Variants in TP53BP2 observed in about 807,000 individuals in gnomAD.
TP53BP2 encodes tumor protein p53 binding protein 2.
In TP53BP2, 62 loss-of-function variants were observed where a neutral mutation model predicts 126.2. The observed-to-expected ratio is 0.49, with a 90% confidence interval of 0.40 to 0.61. The LOEUF (loss-of-function observed/expected upper bound fraction) is 0.61. TP53BP2 is among the 20% of genes least tolerant of loss of function. TP53BP2 has a pLI of 0.00. For missense variants in TP53BP2, 1,215 were observed against 1,402.8 expected (o/e 0.87, Z 2.14); for synonymous variants, 485 against 502.9 (o/e 0.96, Z 0.48).
chr1:223,790,526 C>T (rs185736484), intron 15 of TP53BP2, among the ~76,000 whole-genome samples: 30 of 151,588 alleles, frequency 2.0e-4, no homozygotes, highest in Middle Eastern at 3.4e-3. Context: ...CACTGCACTC[C>T]GGCCTGGGTG....
At chr1:223,822,618 G>A (rs938222838) in intron 1 of TP53BP2, among the ~76,000 whole-genome samples, 2 of 151,422 alleles carry the variant, frequency 1.3e-5, no homozygotes, top group Non-Finnish European at 2.9e-5. Context: ...GTAGTGAGAA[G>A]TGACTGCACC....
intron 1 of TP53BP2, among the ~76,000 whole-genome samples, chr1:223,832,505 G>A (rs372269007): frequency 6.6e-6 from 1 of 152,184 alleles, no homozygotes; most frequent in African/African-American, 2.4e-5. Context: ...AATATTTCTT[G>A]TAAGAGGAGA....
At chr1:223,840,249 A>C (rs1571880440) in intron 1 of TP53BP2, among the ~76,000 whole-genome samples, 1 of 152,192 alleles carries the variant, frequency 6.6e-6, no homozygotes, top group South Asian at 2.1e-4. Context: ...GGCTTGCCCC[A>C]ATAAGACATA....
chr1:223,807,078 T>C (rs1662748872), intron 4 of TP53BP2, 131 bp from the exon 5 acceptor site: 4 of 595,990 alleles, frequency 6.7e-6, no homozygotes, highest in African/African-American at 1.9e-5. Context: ...GATTTTTCTT[T>C]CATAATATCA....
At chr1:223,790,847 C>G (rs1296550597) in intron 15 of TP53BP2, among the ~76,000 whole-genome samples, 1 of 152,090 alleles carries the variant, frequency 6.6e-6, no homozygotes, top group Non-Finnish European at 1.5e-5. Flanking sequence ...CTCAAGTGAT[C>G]TTCTGCTTCA....
rs1662398867 is a variant in TP53BP2 at position 223,798,211 on chromosome 1, T to C, written c.1948+4A>G. The stretch of plus-strand genomic sequence containing the variant: ...ACGTCACCTATGAACGTTAAGAACC[T>C]TACCACTTGAAAAGTGTGGCCCTCT... On this transcript the variant is annotated splice_donor_region_variant and intron_variant, in intron 12 of 17. Transcript: ENST00000343537. 1 of 1,610,572 alleles carries C rather than the reference T, an allele frequency of 6.2e-7. No individual in the cohort carries two copies. The highest frequency in any genetic ancestry group is 8.5e-7 in the Non-Finnish European group (1 of 1,177,942).
intron 16 of TP53BP2, among the ~76,000 whole-genome samples, chr1:223,787,147 C>T (rs1230741903): frequency 1.3e-5 from 2 of 152,116 alleles, no homozygotes; most frequent in African/African-American, 2.4e-5. Context: ...CCACCTGCCT[C>T]GGCCTCCCAA....
chr1:223,794,886 C>T (rs1662266163), intron 13 of TP53BP2, among the ~76,000 whole-genome samples: 1 of 152,188 alleles, frequency 6.6e-6, no homozygotes, highest in Non-Finnish European at 1.5e-5. Flanking sequence ...TGAATACTAT[C>T]ATATCTAAAA....
intron 17 of TP53BP2, 135 bp downstream of exon 17, chr1:223,783,980 G>A: frequency 3.8e-6 from 3 of 783,186 alleles, no homozygotes; most frequent in Non-Finnish European, 6.5e-6. Context: ...TTAAGTCTAA[G>A]ACTATCAAAA....
rs761043712 is a variant in TP53BP2, at chr1:223,796,276, T to C, written c.2263A>G (p.Ile755Val). 3.1e-6 allele frequency: 5 copies of C among 1,614,130 alleles called. No homozygotes were observed. The highest frequency in any genetic ancestry group is 2.5e-6 in the Non-Finnish European group (3 of 1,180,006). The change falls in exon 13 of 18, where the codon ATT (isoleucine) becomes GTT (valine). Residue 755 changes from isoleucine (I) to valine (V), a missense_variant. By Grantham distance (29) the Ile-to-Val change is conservative. This residue lies in a region of TP53BP2 where 46 missense variants were observed against 93.0 expected (regional missense o/e 0.49). Transcript: ENST00000343537. This position sits in a 1 kb window ranked among gnomAD's most constrained non-coding sequence, Gnocchi z 4.2. ...GTCCTCTGATATAAAAGCTTCTGAA[T>C]ATTTGGCCCATTAGGACCCTCTGGC... ...TEPEGPNGPN[I>V]QKLLYQRTTI...
At chr1:223,790,733 A>C (rs1207709662) in intron 15 of TP53BP2, among the ~76,000 whole-genome samples, 3 of 151,280 alleles carry the variant, frequency 2.0e-5, no homozygotes, top group African/African-American at 7.3e-5. Context: ...CCTCCCCGGT[A>C]GCTGGGACTA....
intron 1 of TP53BP2, among the ~76,000 whole-genome samples, chr1:223,830,504 A>G (rs572332072): frequency 1.3e-5 from 2 of 152,164 alleles, no homozygotes; most frequent in African/African-American, 2.4e-5. Flanking sequence ...AGAATTATGT[A>G]TATCTCATGA....
At chr1:223,795,404 G>C (rs537147395) in intron 13 of TP53BP2, among the ~76,000 whole-genome samples, 1 of 152,146 alleles carries the variant, frequency 6.6e-6, no homozygotes, top group Non-Finnish European at 1.5e-5. Context: ...AAATTTCACT[G>C]CTAGAAAATT....
At chr1:223,819,378 C>G (rs1165145833) in intron 2 of TP53BP2, among the ~76,000 whole-genome samples, 1 of 151,776 alleles carries the variant, frequency 6.6e-6, no homozygotes, top group African/African-American at 2.4e-5. Flanking sequence ...CAGAGAGAAT[C>G]TGAGGTAAAG....
Position 223,821,281 on chromosome 1 carries a change from C to T in TP53BP2, c.114G>A (p.Val38=), listed in dbSNP as rs767338350. The T allele has an allele frequency of 1.1e-5, 17 of 1,613,948 alleles. No individual in the cohort carries two copies. The African/African-American group carries it at 1.6e-4, about 15-fold the overall frequency. Residue 38 remains valine, a synonymous_variant, in exon 2 of 18, where the codon GTG becomes GTA. Coordinates refer to ENST00000343537, the MANE Select transcript of TP53BP2 (RefSeq NM_001031685.3). The part of the protein sequence containing the change: ...VTPETICRDV[V]DLCKEPGESD... ...TCTCGCCGGGTTCTTTGCACAGATC[C>T]ACCACGTCTCTGCATATTGTTTCTG... is the stretch of plus-strand genomic sequence containing the variant.
chr1:223,819,685 C>CCA (rs1663233122), intron 2 of TP53BP2, among the ~76,000 whole-genome samples: 1 of 148,140 alleles, frequency 6.8e-6, no homozygotes, highest in African/African-American at 2.6e-5. Context: ...GACTCCATCT[C>CCA]AAAAAAAGAA....
intron 9 of TP53BP2, 199 bp downstream of exon 9, chr1:223,801,917 G>A: frequency 2.1e-6 from 1 of 473,824 alleles, no homozygotes; most frequent in South Asian, 3.2e-5. Context: ...GTATTATTTA[G>A]GGTTAAGAAA....
At chr1:223,839,402 G>C (rs12034914) in intron 1 of TP53BP2, among the ~76,000 whole-genome samples, 2 of 152,174 alleles carry the variant, frequency 1.3e-5, no homozygotes, top group African/African-American at 4.8e-5. Flanking sequence ...AGGGAAGTTA[G>C]AGTGAAGCTT....
rs781476581 is a variant in TP53BP2, at chr1:223,845,716, TGAGGTGCCCCG to T, written c.-47_-37del. On this transcript the variant is annotated 5_prime_UTR_variant, in exon 1 of 18. Coordinates refer to ENST00000343537, the MANE Select transcript of TP53BP2 (RefSeq NM_001031685.3). ...GGCCAGACTGCGGCCCCGGCCGAGC[TGAGGTGCCCCG>T]GAGGGTCGCGGATGCGGGGGAGGGG... 8 of 1,520,134 alleles carry T rather than the reference TGAGGTGCCCCG, an allele frequency of 5.3e-6. No individual in the cohort carries two copies. The African/African-American group carries it at 1.0e-4, about 19-fold the overall frequency. The allele number at this position is 1,520,134 out of a possible 1,614,324, so 94.2% of individuals were successfully genotyped here.
Sources: gnomAD v4.1 joint callset for allele counts (sites outside exome capture counted in the v4.1 genomes callset) on GRCh38, gnomAD v4.1.1 for gene constraint, gnomAD v4.1.1 regional missense constraint, Gnocchi (gnomAD v3.1) non-coding constraint, MANE v1.5 for transcripts, NCBI Gene and HGNC (gene_info 2026-07-23, HGNC 2026-07-21) for gene names.